The following CSGALNACT1 variants were observed in gnomAD, a reference collection of about 807,000 sequenced individuals.
CSGALNACT1 encodes beta4GalNAcT-1.
A neutral mutation model predicts 51.0 loss-of-function variants in CSGALNACT1; 52 were observed. That is an observed-to-expected ratio of 1.02 (90% CI 0.82 to 1.29). The LOEUF is 1.29. Ranked by LOEUF, CSGALNACT1 falls within the 50% of genes most tolerant of loss-of-function variation. The pLI, the probability that CSGALNACT1 is intolerant of heterozygous loss-of-function variation, is 0.00. For missense variants in CSGALNACT1, 935 were observed against 679.2 expected (o/e 1.38, Z -4.19); for synonymous variants, 341 against 254.4 (o/e 1.34, Z -3.24).
chr8:19,729,623 G>C (rs2063580661), intron 1 of CSGALNACT1, among the ~76,000 whole-genome samples: 1 of 152,192 alleles, frequency 6.6e-6, no homozygotes, highest in African/African-American at 2.4e-5. Flanking sequence ...CAATTGAAAG[G>C]CTTTAATTCA....
intron 9 of CSGALNACT1, among the ~76,000 whole-genome samples, chr8:19,408,011 G>C (rs1236421325): frequency 2.6e-5 from 4 of 151,790 alleles, no homozygotes; most frequent in Non-Finnish European, 5.9e-5. Context: ...TTGAAGGTTA[G>C]CAGAGAGAAA....
chr8:19,594,130 A>G (rs983427416), intron 2 of CSGALNACT1, among the ~76,000 whole-genome samples: 5 of 152,180 alleles, frequency 3.3e-5, no homozygotes, highest in African/African-American at 7.2e-5. Flanking sequence ...ACCACTTACA[A>G]CAGAAGCAAC....
chr8:19,581,407 C>T (rs1377937619), intron 3 of CSGALNACT1, among the ~76,000 whole-genome samples: 1 of 152,172 alleles, frequency 6.6e-6, no homozygotes, highest in African/African-American at 2.4e-5. Context: ...TCCTCTTAAA[C>T]TCCCCAAATT....
At chr8:19,559,491 A>G (rs552042315) in intron 3 of CSGALNACT1, among the ~76,000 whole-genome samples, 1 of 152,216 alleles carries the variant, frequency 6.6e-6, no homozygotes, top group Admixed American at 6.5e-5. Flanking sequence ...GTATTAAGGC[A>G]TAAGTAAATA....
At chr8:19,418,910 A>C (rs1174123347) in intron 7 of CSGALNACT1, among the ~76,000 whole-genome samples, 160 bp from the exon 7 acceptor site, 1 of 152,068 alleles carries the variant, frequency 6.6e-6, no homozygotes, top group African/African-American at 2.4e-5. Flanking sequence ...AGAGTGGCAC[A>C]ATCTTGGCTC....
At chr8:19,697,666 A>G (rs1027786351) in intron 1 of CSGALNACT1, among the ~76,000 whole-genome samples, 2 of 152,198 alleles carry the variant, frequency 1.3e-5, no homozygotes, top group Non-Finnish European at 2.9e-5. Flanking sequence ...CTATGGGTCC[A>G]GCGGCTTCAG....
At chr8:19,496,422 T>C (rs7818871) in intron 4 of CSGALNACT1, among the ~76,000 whole-genome samples, 1 of 152,076 alleles carries the variant, frequency 6.6e-6, no homozygotes, top group Non-Finnish European at 1.5e-5. Context: ...CTCTGCTTGA[T>C]GGTTGGAACT....
At chr8:19,464,548 G>C (rs915961137) in intron 4 of CSGALNACT1, among the ~76,000 whole-genome samples, 3 of 152,054 alleles carry the variant, frequency 2.0e-5, no homozygotes, top group African/African-American at 7.2e-5. Flanking sequence ...GGGTCCCCAA[G>C]CCACGGAATG....
chr8:19,649,429 G>T (rs1353634955), intron 1 of CSGALNACT1, among the ~76,000 whole-genome samples: 1 of 152,048 alleles, frequency 6.6e-6, no homozygotes, highest in Admixed American at 6.6e-5. Context: ...AATAAATCCA[G>T]TGTTTTTTTA....
At chr8:19,583,059 C>A (rs1319822615) in intron 3 of CSGALNACT1, among the ~76,000 whole-genome samples, 1 of 152,062 alleles carries the variant, frequency 6.6e-6, no homozygotes, top group Non-Finnish European at 1.5e-5. Context: ...AATTCTTTTT[C>A]TTTTTACACT....
At chr8:19,447,686 T>C (rs1322090215) in intron 5 of CSGALNACT1, among the ~76,000 whole-genome samples, 1 of 152,146 alleles carries the variant, frequency 6.6e-6, no homozygotes, top group Non-Finnish European at 1.5e-5. Context: ...GTGTACAAAA[T>C]AGCCTTGGTT....
intron 1 of CSGALNACT1, among the ~76,000 whole-genome samples, chr8:19,663,667 T>C (rs961991500): frequency 3.3e-5 from 5 of 152,180 alleles, no homozygotes; most frequent in African/African-American, 1.2e-4. Context: ...AGACAGACAC[T>C]AGGGAAAAGT....
intron 1 of CSGALNACT1, among the ~76,000 whole-genome samples, chr8:19,635,412 C>A (rs2055899995): frequency 6.6e-6 from 1 of 152,222 alleles, no homozygotes; most frequent in African/African-American, 2.4e-5. Flanking sequence ...TGGTGTTTTT[C>A]CTCAACGCTT....
At chr8:19,621,137 G>C (rs2053772117) in intron 1 of CSGALNACT1, among the ~76,000 whole-genome samples, 1 of 152,178 alleles carries the variant, frequency 6.6e-6, no homozygotes, top group Non-Finnish European at 1.5e-5. Context: ...CTGTATTTAA[G>C]TTAGTGACGT....
intron 1 of CSGALNACT1, among the ~76,000 whole-genome samples, chr8:19,691,015 C>T (rs548803838): frequency 5.3e-5 from 8 of 152,270 alleles, no homozygotes; most frequent in Admixed American, 3.9e-4. Flanking sequence ...TTGCTTGAAT[C>T]CAGGAGTTCA....
At chr8:19,491,085 G>GAA in intron 4 of CSGALNACT1, among the ~76,000 whole-genome samples, 1 of 146,904 alleles carries the variant, frequency 6.8e-6, no homozygotes, top group African/African-American at 2.5e-5. Context: ...TACCACTCAG[G>GAA]AAAAAAAAAA....
At chr8:19,736,434 G>A (rs1356471248) in intron 1 of CSGALNACT1, among the ~76,000 whole-genome samples, 1 of 151,076 alleles carries the variant, frequency 6.6e-6, no homozygotes, top group Non-Finnish European at 1.5e-5. Context: ...GTCTTTTCCT[G>A]AATTTCTAAT....
At chr8:19,748,725 GAGATCAAGGAGGGT>G (rs1341069059) in intron 1 of CSGALNACT1, among the ~76,000 whole-genome samples, 2 of 152,166 alleles carry the variant, frequency 1.3e-5, no homozygotes, top group Admixed American at 1.3e-4. Context: ...AGCACTTTGG[GAGATCAAGGAGGGT>G]GGATCACCTC....
upstream of CSGALNACT1, among the ~76,000 whole-genome samples, chr8:19,604,099 C>G (rs147379218): frequency 2.0e-5 from 3 of 152,094 alleles, no homozygotes; most frequent in African/African-American, 7.2e-5. Context: ...TCTCCTTAGC[C>G]GTTCCAAGCA....
Sources: allele counts gnomAD v4.1 joint callset (sites outside exome capture counted in the v4.1 genomes callset), GRCh38; gene constraint gnomAD v4.1.1; transcripts MANE v1.5; gene names NCBI Gene and HGNC (gene_info 2026-07-23, HGNC 2026-07-21).